LRRC8A: variants seen among roughly 807,000 people sequenced by gnomAD.
The protein encoded by LRRC8A is leucine rich repeat containing 8 VRAC subunit A, also known as volume-regulated anion channel subunit LRRC8A.
Under a neutral mutation model 52.5 loss-of-function variants are expected in LRRC8A, and 24 were observed. The ratio of observed to expected loss-of-function variants is 0.46; its 90% CI spans 0.33 to 0.64. The LOEUF (loss-of-function observed/expected upper bound fraction) is 0.64, where lower values mean the gene tolerates loss of function less well. LRRC8A is among the 30% of genes least tolerant of loss of function. LRRC8A has a pLI of 0.02. For synonymous variants in LRRC8A, 492 were observed against 494.2 expected (o/e 1.00, Z 0.06); for missense variants, 677 against 1,094.7 (o/e 0.62, Z 5.38).
At position 128,892,840 on chromosome 9, in the gene LRRC8A, C is replaced by T. The variant is rs1839677714; in HGVS notation, c.-9+6719C>T. ...AGGGCCAGCCTTCCCATCTCTGGTA[C>T]AGGAGGGGTGCCAACCTCCCGCCTC... is the stretch of plus-strand genomic sequence containing the variant. On this transcript the variant is annotated intron_variant, in intron 2 of 3. Coordinates refer to ENST00000372600, the MANE Select transcript of LRRC8A (RefSeq NM_019594.4). This position sits in a 1 kb window ranked among gnomAD's most constrained non-coding sequence, Gnocchi z 5.2. 6.6e-6 allele frequency among the ~76,000 whole-genome samples: 1 copy of T among 152,150 alleles called. No homozygotes were observed. Among genetic ancestry groups the T allele is most frequent in the Non-Finnish European group, 1.5e-5 (1 of 68,014 alleles).
At chr9:128,883,946 C>G (rs1185112109) in intron 1 of LRRC8A, among the ~76,000 whole-genome samples, 2 of 151,826 alleles carry the variant, frequency 1.3e-5, no homozygotes, top group Non-Finnish European at 2.9e-5. Flanking sequence ...TGCACTCCAG[C>G]TTGGGCAAGA....
chr9:128,903,836 C>T (rs777798849), intron 2 of LRRC8A, among the ~76,000 whole-genome samples: 6 of 151,746 alleles, frequency 4.0e-5, no homozygotes, highest in Admixed American at 1.3e-4. Context: ...AAGACCAGCC[C>T]GGCCAACATG....
chr9:128,890,130 T>TTGTG (rs57721007), intron 2 of LRRC8A, among the ~76,000 whole-genome samples: 6,599 of 128,252 alleles, frequency 0.051, 221 homozygotes, highest in South Asian at 0.11. Flanking sequence ...TGGCTTCATT[T>TTGTG]TGTGTGTGTG....
rs758307862 is a variant in LRRC8A, at chr9:128,907,916, G to A, written c.752G>A (p.Arg251Gln). 5.6e-6 allele frequency: 9 copies of A among 1,613,946 alleles called. No individual in the cohort carries two copies. In the Admixed American group the frequency reaches 6.7e-5, roughly 12 times the overall value. Reference sequence around the variant, plus strand: ...CTGTTTGAGAAGGTGAAGAAGTTCCGGACCCATGTGGAGGAGGGGGACATT... The same window carrying A: ...CTGTTTGAGAAGGTGAAGAAGTTCCAGACCCATGTGGAGGAGGGGGACATT... Reference protein sequence around the residue: ...KALFEKVKKFRTHVEEGDIVY... With the variant: ...KALFEKVKKFQTHVEEGDIVY... Residue 251 changes from arginine to glutamine, a missense_variant, in exon 3 of 4, where the codon CGG becomes CAG. Arg to Gln is a conservative substitution (Grantham distance 43). Coordinates refer to ENST00000372600, the MANE Select transcript of LRRC8A (RefSeq NM_019594.4). This position sits in a 1 kb window ranked among gnomAD's most constrained non-coding sequence, Gnocchi z 9.3.
At chr9:128,888,672 C>G (rs1002564302) in intron 2 of LRRC8A, among the ~76,000 whole-genome samples, 1 of 152,116 alleles carries the variant, frequency 6.6e-6, no homozygotes, top group African/African-American at 2.4e-5. Flanking sequence ...GTGGCAGCCT[C>G]GTTTTGCGGG....
rs746577901 is a variant in LRRC8A at position 128,907,186 on chromosome 9, C to T, written c.22C>T (p.Arg8Cys). ...AACCATGATTCCGGTGACAGAGCTC[C>T]GCTACTTTGCGGACACGCAGCCAGC... MIPVTEL[R>C]YFADTQPAYR... is the part of the protein sequence containing the mutation. The change falls in exon 3 of 4, where the codon CGC becomes TGC. Residue 8 changes from arginine to cysteine, a missense_variant. Coordinates refer to ENST00000372600, the MANE Select transcript of LRRC8A (RefSeq NM_019594.4). The surrounding 1 kb of genome is among the most constrained non-coding windows in gnomAD (Gnocchi z 9.3). The T allele has an allele frequency of 4.3e-6, 7 of 1,610,032 alleles. No homozygotes were observed. Among genetic ancestry groups the T allele is most frequent in the South Asian group, 1.1e-5 (1 of 91,020 alleles).
At chr9:128,912,089 G>GT (rs1840570200) in intron 3 of LRRC8A, among the ~76,000 whole-genome samples, 1 of 150,434 alleles carries the variant, frequency 6.6e-6, no homozygotes, top group African/African-American at 2.5e-5. Context: ...GTTATGTTTT[G>GT]TTTGTTTGTT....
Position 128,909,277 on chromosome 9 carries a change from G to A in LRRC8A, c.2113G>A (p.Gly705Ser), listed in dbSNP as rs766749712. ...NNLTFLPADI[G>S]LLQNLQNLAI... is the part of the protein sequence containing the mutation. ...CCTGACCTTCCTCCCTGCCGACATC[G>A]GCCTCCTGCAGAACCTCCAGAACCT... The change falls in exon 3 of 4, where the codon GGC becomes AGC. Residue 705 changes from glycine to serine, a missense_variant. By Grantham distance (56) the Gly-to-Ser change is moderately conservative. This residue lies in a region of LRRC8A where 169 missense variants were observed against 217.6 expected (regional missense o/e 0.78). Transcript: ENST00000372600. 4.4e-5 allele frequency: 71 copies of A among 1,613,896 alleles called. No homozygotes were observed. The highest frequency in any genetic ancestry group is 4.0e-5 in the African/African-American group (3 of 75,044).
intron 2 of LRRC8A, among the ~76,000 whole-genome samples, chr9:128,904,965 T>A (rs1296835940): frequency 7.7e-6 from 1 of 129,550 alleles, no homozygotes; most frequent in Non-Finnish European, 1.5e-5. Flanking sequence ...ACCACTGCAC[T>A]CCAGCCTAGG....
rs1169854822 is a variant in LRRC8A at position 128,911,983 on chromosome 9, C to G, written c.2157+2662C>G. Among the ~76,000 whole-genome samples the G allele has an allele frequency of 2.0e-5, 3 of 152,254 alleles. No homozygotes were observed. Among genetic ancestry groups the G allele is most frequent in the African/African-American group, 7.2e-5 (3 of 41,466 alleles). On this transcript the variant is annotated intron_variant, in intron 3 of 3. Transcript: ENST00000372600. This position sits in a 1 kb window ranked among gnomAD's most constrained non-coding sequence, Gnocchi z 4.9. ...AGGGGTGGGCGTGGCCTGCCCACGC[C>G]CTTGCGTGCTGTTTCTCCAGATTTA...
chr9:128,904,480 T>C (rs367974577), intron 2 of LRRC8A, among the ~76,000 whole-genome samples: 3 of 152,106 alleles, frequency 2.0e-5, no homozygotes, highest in Admixed American at 1.3e-4. Context: ...ATTGTGCCAC[T>C]GCACTCCAGC....
chr9:128,906,316 A>ATTT (rs71383620), intron 2 of LRRC8A, among the ~76,000 whole-genome samples: 2,141 of 78,612 alleles, frequency 0.027, 21 homozygotes, highest in East Asian at 0.048. Context: ...CCCATGTGGA[A>ATTT]TTTTTTTTTT....
intron 2 of LRRC8A, among the ~76,000 whole-genome samples, chr9:128,890,942 G>T (rs1482724266): frequency 6.6e-6 from 1 of 151,966 alleles, no homozygotes; most frequent in Admixed American, 6.6e-5. Context: ...TTGAGCCCAG[G>T]AGTTCCAGAC....
Position 128,908,055 on chromosome 9 carries a change from G to A in LRRC8A, c.891G>A (p.Val297=), listed in dbSNP as rs1169462763. 6.2e-7 allele frequency: 1 copy of A among 1,614,082 alleles called. No homozygotes were observed. Among genetic ancestry groups the A allele is most frequent in the East Asian group, 2.2e-5 (1 of 44,876 alleles). ...HNIKFDVDCT[V]DIESLTGYRT... Reference sequence around the variant, plus strand: ...TCAAGTTCGACGTGGACTGCACCGTGGACATTGAGAGCCTGACGGGCTACC... The same window carrying A: ...TCAAGTTCGACGTGGACTGCACCGTAGACATTGAGAGCCTGACGGGCTACC... Residue 297 remains valine, a synonymous_variant, in exon 3 of 4, where the codon GTG becomes GTA. Transcript: ENST00000372600.
At chr9:128,905,310 A>G (rs1215870281) in intron 2 of LRRC8A, among the ~76,000 whole-genome samples, 1 of 152,080 alleles carries the variant, frequency 6.6e-6, no homozygotes, top group Admixed American at 6.6e-5. Flanking sequence ...CTTTTTTACA[A>G]TTTTCCGTAT....
At chr9:128,884,521 A>G (rs182454934) in intron 1 of LRRC8A, among the ~76,000 whole-genome samples, 1 of 152,308 alleles carries the variant, frequency 6.6e-6, no homozygotes, top group East Asian at 1.9e-4. Context: ...AAACCAGAAG[A>G]CACATAAGTT....
intron 2 of LRRC8A, among the ~76,000 whole-genome samples, chr9:128,890,130 T>TGTGTGTGTGTG (rs1839548910): frequency 5.3e-4 from 68 of 128,306 alleles, no homozygotes; most frequent in Admixed American, 1.1e-3. Flanking sequence ...TGGCTTCATT[T>TGTGTGTGTGTG]TGTGTGTGTG....
chr9:128,894,340 C>T (rs944332768), intron 2 of LRRC8A, among the ~76,000 whole-genome samples: 2 of 151,836 alleles, frequency 1.3e-5, no homozygotes, highest in East Asian at 2.0e-4. Flanking sequence ...AAAAATTTGC[C>T]GGGCATTGTG....
At position 128,899,810 on chromosome 9, in the gene LRRC8A, T is replaced by C. The variant is rs1839958413; in HGVS notation, c.-8-7347T>C. On this transcript the variant is annotated intron_variant, in intron 2 of 3. Transcript: ENST00000372600. This position sits in a 1 kb window ranked among gnomAD's most constrained non-coding sequence, Gnocchi z 4.0. ...AACGAGATGAAGAGAGTTCTGTGTATGGTGGTGATGGTTGCACAACAGTGA... is the reference window on the plus strand; with the variant it reads ...AACGAGATGAAGAGAGTTCTGTGTACGGTGGTGATGGTTGCACAACAGTGA... Among the ~76,000 whole-genome samples the C allele has an allele frequency of 6.6e-6, 1 of 152,212 alleles. No individual in the cohort carries two copies. The highest frequency in any genetic ancestry group is 1.5e-5 in the Non-Finnish European group (1 of 68,040).
Sources: allele counts gnomAD v4.1 joint callset (sites outside exome capture counted in the v4.1 genomes callset), GRCh38; gene constraint gnomAD v4.1.1; regional missense constraint gnomAD v4.1.1; non-coding constraint Gnocchi (gnomAD v3.1); transcripts MANE v1.5; gene names NCBI Gene and HGNC (gene_info 2026-07-23, HGNC 2026-07-21).